SDCBP: variants seen among roughly 807,000 people sequenced by gnomAD.
The protein encoded by SDCBP is syntenin-1.
In SDCBP, 22 loss-of-function variants were observed where a neutral mutation model predicts 30.5. The ratio of observed to expected loss-of-function variants is 0.72; its 90% CI spans 0.52 to 1.03. The LOEUF (loss-of-function observed/expected upper bound fraction) is 1.03, where lower values mean the gene tolerates loss of function less well. SDCBP is among the 50% of genes least tolerant of loss of function. The pLI, the probability that SDCBP is intolerant of heterozygous loss-of-function variation, is 0.00. For synonymous variants in SDCBP, 103 were observed against 118.7 expected (o/e 0.87, Z 0.86); for missense variants, 304 against 369.9 (o/e 0.82, Z 1.46).
chr8:58,577,857 GTTTCT>G (rs1464507064), intron 5 of SDCBP, 171 bp from the exon 6 acceptor site: 8 of 474,842 alleles, frequency 1.7e-5, no homozygotes, highest in Non-Finnish European at 2.6e-5. Flanking sequence ...AAATTTTTCA[GTTTCT>G]TTTGAGGTGA....
chr8:58,567,598 G>A (rs1388424363), intron 2 of SDCBP, among the ~76,000 whole-genome samples: 1 of 152,166 alleles, frequency 6.6e-6, no homozygotes, highest in Non-Finnish European at 1.5e-5. Flanking sequence ...GTATAGTGAC[G>A]TGTATATAGT....
chr8:58,559,020 T>C (rs1273959908), intron 1 of SDCBP, among the ~76,000 whole-genome samples: 1 of 152,186 alleles, frequency 6.6e-6, no homozygotes, highest in Non-Finnish European at 1.5e-5. Flanking sequence ...TCAGTACACT[T>C]AAAGCAAACC....
chr8:58,570,997 A>C (rs765950999), intron 3 of SDCBP, 32 bp downstream of exon 3: 16 of 1,475,598 alleles, frequency 1.1e-5, no homozygotes, highest in Middle Eastern at 1.7e-4. Context: ...ATTCTCTGTG[A>C]ACAGAAATAT....
At chr8:58,564,128 C>T (rs1327435018) in intron 1 of SDCBP, among the ~76,000 whole-genome samples, 6 of 152,140 alleles carry the variant, frequency 3.9e-5, no homozygotes, top group African/African-American at 1.4e-4. Context: ...ATCATGCCAG[C>T]TGGTAACAGA....
In SDCBP at chr8:58,578,008, C is replaced by T. The variant is rs755537077; in HGVS notation, c.403-25C>T. 1.6e-5 allele frequency: 25 copies of T among 1,588,794 alleles called. 1 individual carries two copies. Among genetic ancestry groups the T allele is most frequent in the South Asian group, 2.2e-5 (2 of 90,216 alleles). On this transcript the variant is annotated intron_variant, in intron 5 of 8. Transcript: ENST00000260130. ...ACCGTATCATAGTAGTGGTAAATGACAAAAATTATTTTCTTATTATCTAGG... is the reference window on the plus strand; with the variant it reads ...ACCGTATCATAGTAGTGGTAAATGATAAAAATTATTTTCTTATTATCTAGG...
At chr8:58,576,132 T>A in intron 5 of SDCBP, 71 bp downstream of exon 5, 1 of 1,143,288 alleles carries the variant, frequency 8.7e-7, no homozygotes. Flanking sequence ...GTTAAAATAA[T>A]TTGAAATGGA....
chr8:58,581,879 GAA>G lies in SDCBP; in HGVS notation c.*140_*141del. On this transcript the variant is annotated 3_prime_UTR_variant, in exon 9 of 9. Coordinates refer to ENST00000260130, the MANE Select transcript of SDCBP (RefSeq NM_005625.4). ...CCTTTCTATCTTACATTATGGCTGG[GAA>G]TCTTACTCTTTCATCTGATACCTTG... 1 of 671,804 alleles carries G rather than the reference GAA, an allele frequency of 1.5e-6. No homozygotes were observed. The highest frequency in any genetic ancestry group is 2.4e-5 in the Admixed American group (1 of 41,372). The allele number at this position is 671,804 out of a possible 1,614,324, so 41.6% of individuals were successfully genotyped here.
At chr8:58,556,590 A>G (rs530070454) in intron 1 of SDCBP, among the ~76,000 whole-genome samples, 1 of 152,280 alleles carries the variant, frequency 6.6e-6, no homozygotes, top group East Asian at 1.9e-4. Context: ...AATGATGAGT[A>G]TTGCCATTCT....
chr8:58,576,102 T>G, intron 5 of SDCBP, 41 bp downstream of exon 5: 67 of 1,399,872 alleles, frequency 4.8e-5, no homozygotes, highest in Non-Finnish European at 5.6e-5. Flanking sequence ...TCTAAATCTC[T>G]TACATAATAA....
At chr8:58,570,511 AT>A (rs2129607949) in intron 2 of SDCBP, among the ~76,000 whole-genome samples, 1 of 152,124 alleles carries the variant, frequency 6.6e-6, no homozygotes, top group African/African-American at 2.4e-5. Context: ...GTTTTTTCTT[AT>A]GCAAATAAAA....
chr8:58,557,474 G>A (rs1334909865), intron 1 of SDCBP, among the ~76,000 whole-genome samples: 1 of 131,332 alleles, frequency 7.6e-6, no homozygotes, highest in East Asian at 2.2e-4. Flanking sequence ...TATTATATAT[G>A]TTATATATAA....
Position 58,565,089 on chromosome 8 carries a change from G to A in SDCBP, c.51+5G>A. 6.6e-7 allele frequency: 1 copy of A among 1,522,532 alleles called. No individual in the cohort carries two copies. Among genetic ancestry groups the A allele is most frequent in the Admixed American group, 1.8e-5 (1 of 55,180 alleles). 94.3% of individuals were successfully genotyped at this position (1,522,532 alleles called of 1,614,324 possible). A position where few individuals can be genotyped will look rare whatever the true frequency, so the allele number is the denominator to read the frequency against. Reference sequence around the variant, plus strand: ...AAGGTAGACAAAGTAATTCAGGTATGATAGTTTAAATACTTTTGTCAAAAC... The same window carrying A: ...AAGGTAGACAAAGTAATTCAGGTATAATAGTTTAAATACTTTTGTCAAAAC... On this transcript the variant is annotated splice_donor_5th_base_variant and intron_variant, in intron 2 of 8. Coordinates refer to ENST00000260130, the MANE Select transcript of SDCBP (RefSeq NM_005625.4).
At chr8:58,570,718 C>G (rs1184025226) in intron 2 of SDCBP, 169 bp from the exon 3 acceptor site, 2 of 541,376 alleles carry the variant, frequency 3.7e-6, no homozygotes, top group Non-Finnish European at 6.6e-6. Context: ...TTTTGATTTG[C>G]AGATTTCCTT....
intron 4 of SDCBP, among the ~76,000 whole-genome samples, chr8:58,573,916 G>A (rs1241011766): frequency 3.3e-5 from 5 of 152,020 alleles, no homozygotes; most frequent in Admixed American, 3.3e-4. Flanking sequence ...CAACTTTATA[G>A]TTTCTCCTTG....
Position 58,582,495 on chromosome 8 carries a change from A to AT in SDCBP, c.*761dup, listed in dbSNP as rs1451486966. On this transcript the variant is annotated 3_prime_UTR_variant, in exon 9 of 9. Coordinates refer to ENST00000260130, the MANE Select transcript of SDCBP (RefSeq NM_005625.4). ...GCATAGCTGCTTAGTTGTTTTTGAG[A>AT]TTTTTTAGTCAACACATAATGGAAA... is the stretch of plus-strand genomic sequence containing the variant. The AT allele has an allele frequency of 6.6e-6, 1 of 152,578 alleles. No individual in the cohort carries two copies. Among genetic ancestry groups the AT allele is most frequent in the Non-Finnish European group, 1.5e-5 (1 of 68,030 alleles). 9.5% of individuals were successfully genotyped at this position (152,578 alleles called of 1,614,324 possible). A position where few individuals can be genotyped will look rare whatever the true frequency, so the allele number is the denominator to read the frequency against.
At chr8:58,572,798 A>G (rs1379472681) in intron 4 of SDCBP, among the ~76,000 whole-genome samples, 3 of 116,746 alleles carry the variant, frequency 2.6e-5, no homozygotes, top group African/African-American at 1.1e-4. Flanking sequence ...GTTGCTCATA[A>G]TCTTTTTTTT....
intron 6 of SDCBP, among the ~76,000 whole-genome samples, chr8:58,579,083 G>A (rs1805520321): frequency 6.6e-6 from 1 of 152,170 alleles, no homozygotes; most frequent in South Asian, 2.1e-4. Flanking sequence ...AATAATAGCT[G>A]CATGCCTCCC....
At chr8:58,580,153 C>T (rs1805600467) in intron 7 of SDCBP, among the ~76,000 whole-genome samples, 1 of 152,116 alleles carries the variant, frequency 6.6e-6, no homozygotes, top group Non-Finnish European at 1.5e-5. Context: ...AGTTTTTCTC[C>T]TCCACAAATT....
At chr8:58,563,915 G>A (rs1252355692) in intron 1 of SDCBP, among the ~76,000 whole-genome samples, 2 of 152,188 alleles carry the variant, frequency 1.3e-5, no homozygotes, top group African/African-American at 4.8e-5. Flanking sequence ...CCACGTGAAG[G>A]GGTTGAGAAA....
Sources: gnomAD v4.1 joint callset for allele counts (sites outside exome capture counted in the v4.1 genomes callset) on GRCh38, gnomAD v4.1.1 for gene constraint, MANE v1.5 for transcripts, NCBI Gene and HGNC (gene_info 2026-07-23, HGNC 2026-07-21) for gene names.